The following MYH15 variants were observed in gnomAD, a reference collection of about 807,000 sequenced individuals.
MYH15 encodes the protein myosin-15.
In MYH15, 227 loss-of-function variants were observed where a neutral mutation model predicts 240.5. The observed-to-expected ratio is 0.94, with a 90% CI of 0.85 to 1.05. MYH15 has a LOEUF of 1.05. Among genes scored for constraint, MYH15 ranks in the 50% least tolerant of loss-of-function variants. MYH15 has a pLI of 0.00. For missense variants in MYH15, 2,217 were observed against 2,247.5 expected (o/e 0.99, Z 0.27); for synonymous variants, 785 against 796.7 (o/e 0.99, Z 0.25).
the MYH15 span, among the ~76,000 whole-genome samples, chr3:108,545,710 CACACACA>C: frequency 7.0e-6 from 1 of 142,884 alleles, no homozygotes; most frequent in Non-Finnish European, 1.6e-5. Context: ...CACACACACA[CACACACA>C]AACAAATCTT....
At chr3:108,542,244 C>A in the MYH15 span, among the ~76,000 whole-genome samples, 39 of 152,132 alleles carry the variant, frequency 2.6e-4, 1 homozygote, top group South Asian at 8.1e-3. Context: ...AATTAACGAA[C>A]CAGTATTAAT....
chr3:108,478,301 T>C (rs1036075301), intron 11 of MYH15, among the ~76,000 whole-genome samples: 2 of 152,226 alleles, frequency 1.3e-5, no homozygotes, highest in African/African-American at 4.8e-5. Context: ...CATACATTGC[T>C]ACAAGTTACA....
At chr3:108,447,298 C>T (rs1412458439) in intron 21 of MYH15, among the ~76,000 whole-genome samples, 1 of 152,012 alleles carries the variant, frequency 6.6e-6, no homozygotes. Flanking sequence ...AAACAGAAAG[C>T]TTATTTAAAG....
rs545910427 is a variant in MYH15, at chr3:108,495,325, T to C, written c.711+455A>G. ...CCGCCAAAATGTCTCCAGTGAAAAA[T>C]ATGCAGGGGTTAAGGAGGCCACAGG... On this transcript the variant is annotated intron_variant, in intron 7 of 40. Coordinates refer to ENST00000693548, the MANE Select transcript of MYH15 (RefSeq NM_014981.3). 4.6e-5 allele frequency among the ~76,000 whole-genome samples: 7 copies of C among 152,138 alleles called. No homozygotes were observed. In the South Asian group the frequency reaches 1.5e-3, roughly 32 times the overall value.
At chr3:108,501,658 G>C (rs1320190733) in intron 3 of MYH15, 54 bp downstream of exon 3, 1 of 1,606,614 alleles carries the variant, frequency 6.2e-7, no homozygotes, top group Non-Finnish European at 8.5e-7. Context: ...GAGAGATTGG[G>C]ACATGCAATG....
At chr3:108,516,200 G>A (rs888544766) in intron 1 of MYH15, among the ~76,000 whole-genome samples, 9 of 152,132 alleles carry the variant, frequency 5.9e-5, no homozygotes, top group Admixed American at 1.3e-4. Flanking sequence ...GATTAGATTC[G>A]CTTGAGTTCT....
At chr3:108,539,127 A>T in the MYH15 span, among the ~76,000 whole-genome samples, 1 of 152,196 alleles carries the variant, frequency 6.6e-6, no homozygotes, top group Non-Finnish European at 1.5e-5. Flanking sequence ...AACTTTGGGG[A>T]AACATTCAAA....
intron 1 of MYH15, among the ~76,000 whole-genome samples, chr3:108,517,716 C>T (rs1314612086): frequency 1.3e-5 from 2 of 152,206 alleles, no homozygotes; most frequent in African/African-American, 4.8e-5. Flanking sequence ...GATCCACCCA[C>T]CTCGACTTCC....
rs770092602 is a variant in MYH15 at position 108,444,797 on chromosome 3, T to G, written c.2498A>C (p.Lys833Thr). 3 of 1,614,136 alleles carry G rather than the reference T, an allele frequency of 1.9e-6. No homozygotes were observed. The South Asian group carries it at 3.3e-5, about 18-fold the overall frequency. ...RLFFKIKPLVKSSEVGEEVAG... is the reference protein window; with the variant it reads ...RLFFKIKPLVTSSEVGEEVAG... Reference sequence around the variant, plus strand: ...TACTTCTTCTCCTACTTCTGAAGATTTAACAAGAGGCTTGATCTTGAAGAA... The same window carrying G: ...TACTTCTTCTCCTACTTCTGAAGATGTAACAAGAGGCTTGATCTTGAAGAA... The change falls in exon 22 of 41, where the codon AAA becomes ACA. Residue 833 changes from lysine (K) to threonine (T), a missense_variant. Physicochemically the swap from Lys to Thr is moderately conservative, Grantham distance 78. Coordinates refer to ENST00000693548, the MANE Select transcript of MYH15 (RefSeq NM_014981.3).
In MYH15 at chr3:108,406,517, T is replaced by C. The variant is rs551033616; in HGVS notation, c.4621-1064A>G. On this transcript the variant is annotated intron_variant, in intron 32 of 40. Coordinates refer to ENST00000693548, the MANE Select transcript of MYH15 (RefSeq NM_014981.3). ...ATAACAATTTCCTCAGAGGGAATAG[T>C]GTAGTAGTTCCTTCAAGAGGAAACT... Among the ~76,000 whole-genome samples the C allele has an allele frequency of 2.0e-5, 3 of 152,304 alleles. No homozygotes were observed. The East Asian group carries it at 5.8e-4, about 29-fold the overall frequency.
At chr3:108,393,652 C>T (rs1180797951) in intron 36 of MYH15, among the ~76,000 whole-genome samples, 1 of 152,192 alleles carries the variant, frequency 6.6e-6, no homozygotes, top group Middle Eastern at 3.2e-3. Flanking sequence ...TCCAAATCAT[C>T]ATCATAAAAC....
intron 1 of MYH15, among the ~76,000 whole-genome samples, chr3:108,515,852 A>G (rs1310178899): frequency 6.6e-6 from 1 of 152,182 alleles, no homozygotes; most frequent in Admixed American, 6.6e-5. Context: ...GGGGAAGTAA[A>G]GAGGGAAATT....
In MYH15 at chr3:108,529,187, A is replaced by C; in HGVS notation, c.-58+76T>G. 2.1e-6 allele frequency: 3 copies of C among 1,410,452 alleles called. No individual in the cohort carries two copies. In the Admixed American group the frequency reaches 5.5e-5, roughly 26 times the overall value. 87.4% of individuals were successfully genotyped at this position (1,410,452 alleles called of 1,614,324 possible). A position where few individuals can be genotyped will look rare whatever the true frequency, so the allele number is the denominator to read the frequency against. On this transcript the variant is annotated intron_variant, in intron 1 of 41. Coordinates refer to the MYH15 transcript ENST00000273353. ...CTGCTGATTAAGACCATCAAGAATA[A>C]AATTCTAGGCTGCTACTGTCAGGCT...
At chr3:108,445,404 G>T (rs1236799850) in intron 21 of MYH15, among the ~76,000 whole-genome samples, 1 of 152,088 alleles carries the variant, frequency 6.6e-6, no homozygotes, top group Non-Finnish European at 1.5e-5. Flanking sequence ...TGGTGTGAGT[G>T]AAGACAAATC....
At chr3:108,506,009 A>G (rs1274885901) in intron 1 of MYH15, among the ~76,000 whole-genome samples, 180 bp from the exon 2 acceptor site, 2 of 152,144 alleles carry the variant, frequency 1.3e-5, no homozygotes, top group Admixed American at 1.3e-4. Context: ...TCACTCACAT[A>G]ATGGCACTAC....
chr3:108,431,636 T>C (rs1046032617), intron 25 of MYH15, among the ~76,000 whole-genome samples: 28 of 152,076 alleles, frequency 1.8e-4, no homozygotes, highest in African/African-American at 6.8e-4. Context: ...CGGACTAATA[T>C]AGAAATTGGT....
At chr3:108,411,835 T>G (rs1246875975) in intron 30 of MYH15, among the ~76,000 whole-genome samples, 1 of 152,220 alleles carries the variant, frequency 6.6e-6, no homozygotes, top group Non-Finnish European at 1.5e-5. Context: ...CAGAGGAATG[T>G]GGTAATAAAG....
the MYH15 span, chr3:108,543,623 T>TGGATGCTG: frequency 6.6e-6 from 1 of 152,348 alleles, no homozygotes; most frequent in African/African-American, 2.4e-5. Flanking sequence ...GGTCACCGTG[T>TGGATGCTG]GGATGCTGGC....
intron 24 of MYH15, among the ~76,000 whole-genome samples, chr3:108,438,898 T>A (rs974523504): frequency 1.3e-5 from 2 of 152,150 alleles, no homozygotes; most frequent in African/African-American, 4.8e-5. Flanking sequence ...GTGTGTGTGA[T>A]GTGCATATAT....
Sources: allele counts gnomAD v4.1 joint callset (sites outside exome capture counted in the v4.1 genomes callset), GRCh38; gene constraint gnomAD v4.1.1; transcripts MANE v1.5; gene names NCBI Gene and HGNC (gene_info 2026-07-23, HGNC 2026-07-21).